The following PFKP variants were observed in gnomAD, a reference collection of about 807,000 sequenced individuals.
PFKP encodes phosphofructokinase, platelet, also known as ATP-dependent 6-phosphofructokinase, platelet type.
In PFKP, 101 loss-of-function variants were observed where a neutral mutation model predicts 94.3. That is an observed-to-expected ratio of 1.07 (90% CI 0.91 to 1.26). The LOEUF (loss-of-function observed/expected upper bound fraction) is 1.26, where lower values mean the gene tolerates loss of function less well. Among genes scored for constraint, PFKP ranks in the 50% most tolerant of loss-of-function variants. The pLI is 0.00. For synonymous variants in PFKP, 573 were observed against 432.6 expected (o/e 1.32, Z -4.03); for missense variants, 1,145 against 1,103.3 (o/e 1.04, Z -0.53).
intron 2 of PFKP, among the ~76,000 whole-genome samples, chr10:3,093,182 CTG>C (rs1237503453): frequency 7.3e-5 from 11 of 150,550 alleles, no homozygotes; most frequent in African/African-American, 2.4e-4. Flanking sequence ...ACTTCTGGGA[CTG>C]TGTCTGATTT....
intron 1 of PFKP, among the ~76,000 whole-genome samples, chr10:3,080,165 C>T (rs1357716723): frequency 2.0e-5 from 3 of 152,102 alleles, no homozygotes; most frequent in Non-Finnish European, 4.4e-5. Context: ...CTCAGGGGAA[C>T]TTGGGTTTTC....
chr10:3,072,544 G>A (rs1832275477), intron 1 of PFKP, among the ~76,000 whole-genome samples: 1 of 149,506 alleles, frequency 6.7e-6, no homozygotes, highest in African/African-American at 2.5e-5. Context: ...GTGTTGGAAT[G>A]ATGGTGTCAC....
intron 15 of PFKP, among the ~76,000 whole-genome samples, chr10:3,119,346 C>G (rs1012311163): frequency 1.3e-5 from 2 of 152,218 alleles, no homozygotes; most frequent in African/African-American, 4.8e-5. Context: ...TGGCTCACGC[C>G]TGTAATCTCA....
chr10:3,096,055 G>A (rs182457169), intron 2 of PFKP, among the ~76,000 whole-genome samples: 1 of 152,338 alleles, frequency 6.6e-6, no homozygotes, highest in Non-Finnish European at 1.5e-5. Flanking sequence ...GGTTTGCAGA[G>A]CAGTTTTCTT....
chr10:3,113,597 C>A, intron 13 of PFKP, 79 bp downstream of exon 13: 1 of 1,280,738 alleles, frequency 7.8e-7, no homozygotes, highest in Non-Finnish European at 1.1e-6. Flanking sequence ...GGGGTGCCCT[C>A]CATGGCCCTC....
chr10:3,088,180 G>A (rs1248563028), intron 2 of PFKP, among the ~76,000 whole-genome samples: 2 of 124,946 alleles, frequency 1.6e-5, no homozygotes, highest in African/African-American at 6.4e-5. Flanking sequence ...GGTGTGTGAT[G>A]TTCCCCTTCC....
chr10:3,121,526 C>G (rs556285741), intron 16 of PFKP, among the ~76,000 whole-genome samples: 2 of 150,712 alleles, frequency 1.3e-5, no homozygotes, highest in African/African-American at 2.4e-5. Flanking sequence ...TGAGAGCGGT[C>G]GCTGCAGTTA....
intron 2 of PFKP, among the ~76,000 whole-genome samples, chr10:3,090,651 C>T (rs550911787): frequency 1.2e-4 from 18 of 151,880 alleles, no homozygotes; most frequent in South Asian, 1.0e-3. Flanking sequence ...TCTTGGTGGG[C>T]GGTCCTTTGA....
chr10:3,086,567 C>A (rs1197832790), intron 2 of PFKP, among the ~76,000 whole-genome samples: 1 of 152,162 alleles, frequency 6.6e-6, no homozygotes, highest in Non-Finnish European at 1.5e-5. Flanking sequence ...TACCGCACAT[C>A]CTACGATGGA....
At position 3,132,419 on chromosome 10, in the gene PFKP, A is replaced by C; in HGVS notation, c.1888A>C (p.Ile630Leu). 6.2e-7 allele frequency: 1 copy of C among 1,611,902 alleles called. No homozygotes were observed. The highest frequency in any genetic ancestry group is 8.5e-7 in the Non-Finnish European group (1 of 1,178,022). ...CCTGACGGAGAAAATGAAGACCACC[A>C]TCCAGAGAGGCCTTGTGCTCAGGTG... ...EHLTEKMKTT[I>L]QRGLVLRNES... The change falls in exon 18 of 22, where the codon ATC (isoleucine) becomes CTC (leucine). Residue 630 changes from isoleucine to leucine, a missense_variant. Around this residue, in one of 3 missense-constraint regions of PFKP, gnomAD observed 1,119 missense variants for 1,062.8 expected, o/e 1.05. Transcript: ENST00000381125.
At chr10:3,069,407 T>C in intron 1 of PFKP, 1 of 1,579,540 alleles carries the variant, frequency 6.3e-7, no homozygotes. Context: ...TGGAGCCGCC[T>C]TGGGGTCGGG....
At chr10:3,130,230 T>C (rs1193347784) in intron 17 of PFKP, among the ~76,000 whole-genome samples, 3 of 146,404 alleles carry the variant, frequency 2.0e-5, no homozygotes, top group African/African-American at 4.9e-5. Flanking sequence ...TTGTTTGACA[T>C]AGTCTGTTGT....
chr10:3,125,026 TCAGCA>T (rs1265122853), intron 16 of PFKP: 13 of 1,124,938 alleles, frequency 1.2e-5, no homozygotes, highest in South Asian at 1.9e-5. Context: ...TTCCTGGACC[TCAGCA>T]CAGGCCCTGG....
intron 16 of PFKP, chr10:3,125,203 C>A: frequency 7.4e-7 from 1 of 1,348,374 alleles, no homozygotes; most frequent in Non-Finnish European, 9.9e-7. Flanking sequence ...GTCCCAGGCA[C>A]AGAAATAAGC....
At chr10:3,125,152 G>GC in intron 16 of PFKP, 1 of 1,348,820 alleles carries the variant, frequency 7.4e-7, no homozygotes, top group South Asian at 1.2e-5. Context: ...CAGGAGCTTT[G>GC]CATCCCCCTG....
At chr10:3,084,872 TCCAC>T (rs1833395233) in intron 2 of PFKP, among the ~76,000 whole-genome samples, 1 of 20,506 alleles carries the variant, frequency 4.9e-5, no homozygotes, top group Non-Finnish European at 8.9e-5. Context: ...GGTCCCCCAC[TCCAC>T]TCTCCAGCAC....
chr10:3,136,799 C>A lies in PFKP; in HGVS notation c.*220C>A. 2.3e-6 allele frequency: 1 copy of A among 433,950 alleles called. No individual in the cohort carries two copies. The highest frequency in any genetic ancestry group is 4.2e-6 in the Non-Finnish European group (1 of 236,128). The allele number at this position is 433,950 out of a possible 1,614,324, so 26.9% of individuals were successfully genotyped here. On this transcript the variant is annotated 3_prime_UTR_variant, in exon 22 of 22. Coordinates refer to ENST00000381125, the MANE Select transcript of PFKP (RefSeq NM_002627.5). ...ATTAATTAAACATTTGCCTATGACT[C>A]CAACAGTCCTCTGTTTTAGTTTTTT...
rs1765579912 is a variant in PFKP at position 3,136,747 on chromosome 10, A to G, written c.*168A>G. The G allele has an allele frequency of 8.5e-6, 5 of 589,178 alleles. No homozygotes were observed. In the East Asian group the frequency reaches 9.5e-5, roughly 11 times the overall value. The allele number at this position is 589,178 out of a possible 1,614,324, so 36.5% of individuals were successfully genotyped here. Reference sequence around the variant, plus strand: ...GCGTGCTGTCTGTGGAGTGTGTCTCATGCTTTCAGATGTGCATATGAGCAG... The same window carrying G: ...GCGTGCTGTCTGTGGAGTGTGTCTCGTGCTTTCAGATGTGCATATGAGCAG... On this transcript the variant is annotated 3_prime_UTR_variant, in exon 22 of 22. Coordinates refer to ENST00000381125, the MANE Select transcript of PFKP (RefSeq NM_002627.5).
chr10:3,075,315 C>T (rs1239779110), intron 1 of PFKP, among the ~76,000 whole-genome samples: 1 of 151,962 alleles, frequency 6.6e-6, no homozygotes, highest in Admixed American at 6.6e-5. Context: ...TTGGGGGGGC[C>T]TGCTCCCAAC....
Sources: allele counts gnomAD v4.1 joint callset (sites outside exome capture counted in the v4.1 genomes callset), GRCh38; gene constraint gnomAD v4.1.1; regional missense constraint gnomAD v4.1.1; transcripts MANE v1.5; gene names NCBI Gene and HGNC (gene_info 2026-07-23, HGNC 2026-07-21).